STK38: variants seen among roughly 807,000 people sequenced by gnomAD.
The protein encoded by STK38 is serine/threonine kinase 38.
STK38 carries 26 observed loss-of-function variants against 59.0 expected under a neutral mutation model. The observed-to-expected ratio is 0.44, with a 90% CI of 0.32 to 0.61. The LOEUF (loss-of-function observed/expected upper bound fraction) is 0.61, where lower values mean the gene tolerates loss of function less well. STK38 is among the 20% of genes least tolerant of loss of function. The pLI, the probability that STK38 is intolerant of heterozygous loss-of-function variation, is 0.04. For synonymous variants in STK38, 175 were observed against 176.6 expected (o/e 0.99, Z 0.07); for missense variants, 433 against 566.0 (o/e 0.76, Z 2.38).
At chr6:36,538,509 C>G (rs1387699641) in intron 2 of STK38, among the ~76,000 whole-genome samples, 1 of 151,898 alleles carries the variant, frequency 6.6e-6, no homozygotes, top group Non-Finnish European at 1.5e-5. Flanking sequence ...AATTTTACAC[C>G]CTTCCCCAAA....
intron 2 of STK38, among the ~76,000 whole-genome samples, chr6:36,539,084 T>A (rs76877889): frequency 0.028 from 4,101 of 148,658 alleles, 189 homozygotes; most frequent in African/African-American, 0.095. Flanking sequence ...TTGGGAAAAA[T>A]TTTTTTTTAA....
chr6:36,506,329 G>A (rs1328245030), intron 9 of STK38, among the ~76,000 whole-genome samples: 2 of 152,140 alleles, frequency 1.3e-5, no homozygotes, highest in Non-Finnish European at 2.9e-5. Flanking sequence ...GGAAGGAAAG[G>A]TATTGTTACC....
chr6:36,523,174 G>T (rs1233079), intron 4 of STK38, among the ~76,000 whole-genome samples: 1,556 of 151,840 alleles, frequency 0.01, 32 homozygotes, highest in African/African-American at 0.036. Flanking sequence ...CCTCTTTCAA[G>T]AAGCCAATAG....
chr6:36,510,950 G>A (rs146986554), intron 7 of STK38, among the ~76,000 whole-genome samples: 7 of 152,298 alleles, frequency 4.6e-5, no homozygotes, highest in African/African-American at 1.7e-4. Context: ...CACAGTATCT[G>A]GCATATAACT....
chr6:36,544,534 T>G (rs1470232762), intron 1 of STK38, among the ~76,000 whole-genome samples: 1 of 152,200 alleles, frequency 6.6e-6, no homozygotes, highest in Non-Finnish European at 1.5e-5. Flanking sequence ...TGAAAATTCC[T>G]GAAGAAATTG....
rs200108493 is a variant in STK38 at position 36,533,976 on chromosome 6, A to T, written c.131+6096T>A. ...AAAATTTGACTATTCCACATACAGAACTGCATATTTAAGGTCAAATTATAT... is the reference window on the plus strand; with the variant it reads ...AAAATTTGACTATTCCACATACAGATCTGCATATTTAAGGTCAAATTATAT... On this transcript the variant is annotated intron_variant, in intron 2 of 13. Coordinates refer to ENST00000229812, the MANE Select transcript of STK38 (RefSeq NM_007271.4). Among the ~76,000 whole-genome samples the T allele has an allele frequency of 3.3e-5, 5 of 152,196 alleles. No individual in the cohort carries two copies. The East Asian group carries it at 9.6e-4, about 29-fold the overall frequency.
chr6:36,513,800 T>C (rs1777173211), intron 7 of STK38, among the ~76,000 whole-genome samples: 1 of 147,994 alleles, frequency 6.8e-6, no homozygotes. Flanking sequence ...ACCAGGCAGT[T>C]TGAGACCAGC....
At chr6:36,539,938 C>CA (rs1385122681) in intron 2 of STK38, 134 bp downstream of exon 2, 2 of 1,405,000 alleles carry the variant, frequency 1.4e-6, no homozygotes, top group Non-Finnish European at 1.9e-6. Flanking sequence ...AAAGCCCTTT[C>CA]ACTGTCATTC....
intron 9 of STK38, among the ~76,000 whole-genome samples, chr6:36,500,504 G>A (rs1776810545): frequency 6.6e-6 from 1 of 152,090 alleles, no homozygotes; most frequent in Admixed American, 6.6e-5. Context: ...GTTCACGCCT[G>A]TAATCCCAGC....
chr6:36,530,817 G>A (rs936822723), intron 2 of STK38, among the ~76,000 whole-genome samples: 1 of 151,366 alleles, frequency 6.6e-6, no homozygotes, highest in African/African-American at 2.4e-5. Flanking sequence ...AACCTCCCGA[G>A]TAGCTGGGAT....
intron 3 of STK38, among the ~76,000 whole-genome samples, chr6:36,525,376 A>T (rs1777486097): frequency 6.6e-6 from 1 of 152,220 alleles, no homozygotes; most frequent in Admixed American, 6.5e-5. Context: ...AATCTAGTTT[A>T]CTATAACTGC....
chr6:36,498,277 T>A (rs956246055), intron 11 of STK38, 86 bp downstream of exon 11: 44 of 1,516,140 alleles, frequency 2.9e-5, no homozygotes, highest in Middle Eastern at 2.4e-4. Flanking sequence ...AGAAAGCAGA[T>A]TCAGGAGATA....
intron 9 of STK38, among the ~76,000 whole-genome samples, chr6:36,504,940 G>GGAAA (rs990678217): frequency 1.4e-5 from 2 of 138,182 alleles, no homozygotes; most frequent in African/African-American, 2.6e-5. Flanking sequence ...AGAAAAGAAA[G>GGAAA]GAAAGAAAGA....
chr6:36,518,486 C>T (rs186353270), intron 5 of STK38, among the ~76,000 whole-genome samples: 1 of 152,302 alleles, frequency 6.6e-6, no homozygotes, highest in Admixed American at 6.5e-5. Context: ...GCTTTATTAT[C>T]AAATTTACCT....
chr6:36,514,154 C>CAAAAAA (rs762095229), intron 7 of STK38, among the ~76,000 whole-genome samples: 1 of 78,932 alleles, frequency 1.3e-5, no homozygotes, highest in Non-Finnish European at 2.7e-5. Context: ...GACTCCGTCT[C>CAAAAAA]AAAAAAAAAA....
chr6:36,529,070 AC>A (rs1442148055), intron 2 of STK38, among the ~76,000 whole-genome samples: 1 of 152,214 alleles, frequency 6.6e-6, no homozygotes, highest in Non-Finnish European at 1.5e-5. Flanking sequence ...GACCTTGAGG[AC>A]ACCAAAAACA....
At chr6:36,506,105 T>TA (rs1776956341) in intron 9 of STK38, among the ~76,000 whole-genome samples, 1 of 152,208 alleles carries the variant, frequency 6.6e-6, no homozygotes. Context: ...CCAATCTTTA[T>TA]AAGTAAGTTC....
chr6:36,540,328 T>C lies in STK38; in HGVS notation c.-5-121A>G. On this transcript the variant is annotated intron_variant, in intron 1 of 13. Coordinates refer to ENST00000229812, the MANE Select transcript of STK38 (RefSeq NM_007271.4). The stretch of plus-strand genomic sequence containing the variant: ...AGTTTTCTGGAGGACAAACAGGTAA[T>C]ATGTAACAAAAGCCAGAGAAAGAGA... 3 of 932,380 alleles carry C rather than the reference T, an allele frequency of 3.2e-6. No homozygotes were observed. The South Asian group carries it at 5.0e-5, about 15-fold the overall frequency. The allele number at this position is 932,380 out of a possible 1,614,324, so 57.8% of individuals were successfully genotyped here. A position where few individuals can be genotyped will look rare whatever the true frequency, so the allele number is the denominator to read the frequency against.
At chr6:36,498,593 T>TTC in intron 10 of STK38, 107 bp from the exon 11 acceptor site, 1 of 1,195,492 alleles carries the variant, frequency 8.4e-7, no homozygotes, top group East Asian at 3.1e-5. Context: ...TTTTTTCTTT[T>TTC]TTTTTTTTTT....
Sources: gnomAD v4.1 joint callset for allele counts (sites outside exome capture counted in the v4.1 genomes callset) on GRCh38, gnomAD v4.1.1 for gene constraint, MANE v1.5 for transcripts, NCBI Gene and HGNC (gene_info 2026-07-23, HGNC 2026-07-21) for gene names.